The following MELK variants were observed in gnomAD, a reference collection of about 807,000 sequenced individuals.
MELK encodes maternal embryonic leucine zipper kinase, also known as pEg3 kinase.
A neutral mutation model predicts 85.0 loss-of-function variants in MELK; 81 were observed. That is an observed-to-expected ratio of 0.95 (90% CI 0.80 to 1.15). MELK has a LOEUF of 1.15. MELK is among the 50% of genes most tolerant of loss of function. The pLI, the probability that MELK is intolerant of heterozygous loss-of-function variation, is 0.00. For missense variants in MELK, 754 were observed against 777.5 expected (o/e 0.97, Z 0.36); for synonymous variants, 252 against 265.0 (o/e 0.95, Z 0.48).
At chr9:36,649,937 TA>T (rs777093125) in intron 11 of MELK, among the ~76,000 whole-genome samples, 2,896 of 60,788 alleles carry the variant, frequency 0.048, 46 homozygotes, top group Non-Finnish European at 0.078. Context: ...TTAATTTAAT[TA>T]AATTAATTAA....
intron 8 of MELK, among the ~76,000 whole-genome samples, chr9:36,618,959 ATTT>A (rs60381894): frequency 2.8e-5 from 4 of 141,592 alleles, no homozygotes; most frequent in Non-Finnish European, 4.6e-5. Flanking sequence ...AACTCTAAGT[ATTT>A]TTTTTTTTTT....
At chr9:36,586,145 A>G (rs1252170091) in intron 3 of MELK, among the ~76,000 whole-genome samples, 1 of 152,092 alleles carries the variant, frequency 6.6e-6, no homozygotes, top group African/African-American at 2.4e-5. Flanking sequence ...GTTTGAGACC[A>G]GCCTGGGCAA....
At chr9:36,650,976 A>G (rs138283853) in intron 11 of MELK, among the ~76,000 whole-genome samples, 229 of 152,328 alleles carry the variant, frequency 1.5e-3, no homozygotes, top group African/African-American at 5.3e-3. Flanking sequence ...AGGAAAAACA[A>G]AGGTATAAAA....
At chr9:36,634,120 C>T (rs181247983) in intron 10 of MELK, among the ~76,000 whole-genome samples, 277 of 152,302 alleles carry the variant, frequency 1.8e-3, no homozygotes, top group African/African-American at 6.0e-3. Flanking sequence ...ATCTTCCAAA[C>T]GTTAACACAT....
At chr9:36,613,905 G>A (rs140432836) in intron 8 of MELK, among the ~76,000 whole-genome samples, 82 of 152,136 alleles carry the variant, frequency 5.4e-4, no homozygotes, top group African/African-American at 1.9e-3. Flanking sequence ...TTTTTTCTAC[G>A]TGAAATGGGG....
intron 17 of MELK, 31 bp downstream of exon 17, chr9:36,674,968 T>C (rs776058731): frequency 5.4e-6 from 8 of 1,475,864 alleles, no homozygotes; most frequent in Non-Finnish European, 1.9e-6. Flanking sequence ...CTGTTGCATT[T>C]ATTAGTATCT....
In MELK at chr9:36,597,305, A is replaced by C. The variant is rs1163326566; in HGVS notation, c.474+15A>C. The C allele has an allele frequency of 1.9e-6, 3 of 1,598,770 alleles. No individual in the cohort carries two copies. Among genetic ancestry groups the C allele is most frequent in the Non-Finnish European group, 2.6e-6 (3 of 1,166,540 alleles). On this transcript the variant is annotated intron_variant, in intron 6 of 17. Coordinates refer to ENST00000298048, the MANE Select transcript of MELK (RefSeq NM_014791.4). ...CAAAACCCAAGGTAAGTGCAGAAAT[A>C]AGATGCATCTATGTTCTTTGTAAAT...
rs778092292 is a variant in MELK, at chr9:36,633,119, G to A, written c.753G>A (p.Arg251=). 2 of 1,609,134 alleles carry A rather than the reference G, an allele frequency of 1.2e-6. No homozygotes were observed. The highest frequency in any genetic ancestry group is 8.5e-7 in the Non-Finnish European group (1 of 1,178,814). ...QQMLQVDPKK[R]ISMKNLLNHP... is the part of the protein sequence containing the mutation. ...GCCACTAGGTGGACCCAAAGAAACG[G>A]ATTTCTATGAAAAATCTATTGAACC... is the stretch of plus-strand genomic sequence containing the variant. The change falls in exon 10 of 18, where the codon CGG becomes CGA. Residue 251 remains arginine, a synonymous_variant. Coordinates refer to ENST00000298048, the MANE Select transcript of MELK (RefSeq NM_014791.4).
intron 7 of MELK, among the ~76,000 whole-genome samples, chr9:36,605,809 CTTTG>C (rs1825423022): frequency 6.6e-6 from 1 of 151,608 alleles, no homozygotes; most frequent in African/African-American, 2.4e-5. Flanking sequence ...TCTTTTCTTT[CTTTG>C]TTTTCTTCCT....
chr9:36,589,520 T>C lies in MELK; in HGVS notation c.145-16T>C, dbSNP rs750032293. 3 of 1,582,296 alleles carry C rather than the reference T, an allele frequency of 1.9e-6. No homozygotes were observed. The highest frequency in any genetic ancestry group is 2.6e-6 in the Non-Finnish European group (3 of 1,151,230). On this transcript the variant is annotated splice_polypyrimidine_tract_variant and intron_variant, in intron 3 of 17. Transcript: ENST00000298048. ...GAATAAGTTTATTGCTCATTCCATA[T>C]GATGTTTTGTCACAGAGTGATTTGC...
chr9:36,585,699 A>G (rs1157220891), intron 3 of MELK, among the ~76,000 whole-genome samples: 1 of 152,092 alleles, frequency 6.6e-6, no homozygotes, highest in Non-Finnish European at 1.5e-5. Context: ...CACTTTGGGA[A>G]GCTGAGGCCA....
At position 36,651,747 on chromosome 9, in the gene MELK, G is replaced by A. The variant is rs768899369; in HGVS notation, c.923G>A (p.Trp308Ter). The stretch of plus-strand genomic sequence containing the variant: ...CAACTTGATTTTCTTTTCCTTTAGT[G>A]GCAGTATGATCACCTCACGGCTACC... ...RQTMEDLISL[W>*]QYDHLTATYL... is the part of the protein sequence containing the mutation. Residue 308 changes from tryptophan to a stop codon, truncating the protein, a stop_gained and splice_region_variant, in exon 12 of 18, where the codon TGG (tryptophan) becomes TAG (stop). Transcript: ENST00000298048. LOFTEE classifies it high-confidence loss of function. 2.5e-6 allele frequency: 4 copies of A among 1,610,848 alleles called. No homozygotes were observed. The highest frequency in any genetic ancestry group is 3.4e-6 in the Non-Finnish European group (4 of 1,178,518).
intron 7 of MELK, chr9:36,606,808 G>C (rs1374095641): frequency 6.7e-6 from 1 of 150,056 alleles, no homozygotes; most frequent in Non-Finnish European, 1.5e-5. Context: ...ATTTTTAGAT[G>C]GAGTTTCACT....
chr9:36,611,317 A>G (rs1388073428), intron 8 of MELK, among the ~76,000 whole-genome samples: 1 of 152,164 alleles, frequency 6.6e-6, no homozygotes, highest in African/African-American at 2.4e-5. Context: ...GAAACAGATA[A>G]TGGTAGAATT....
At chr9:36,601,885 A>C (rs1824965389) in intron 7 of MELK, among the ~76,000 whole-genome samples, 1 of 152,206 alleles carries the variant, frequency 6.6e-6, no homozygotes, top group African/African-American at 2.4e-5. Flanking sequence ...TGCATGTTGT[A>C]GCATGTATCA....
chr9:36,608,826 G>A (rs1288735556), intron 8 of MELK, among the ~76,000 whole-genome samples: 3 of 151,952 alleles, frequency 2.0e-5, no homozygotes, highest in African/African-American at 7.3e-5. Flanking sequence ...CAGGTGATTT[G>A]CCTGCCTCGG....
intron 7 of MELK, chr9:36,606,707 A>G (rs1417853051): frequency 6.8e-6 from 1 of 148,008 alleles, no homozygotes; most frequent in Non-Finnish European, 1.5e-5. Flanking sequence ...ATATATGTAT[A>G]TATGGACATG....
chr9:36,660,715 G>A (rs796742539), intron 13 of MELK, among the ~76,000 whole-genome samples: 7 of 152,038 alleles, frequency 4.6e-5, no homozygotes, highest in African/African-American at 1.4e-4. Context: ...TTTCAGGCTG[G>A]GTGCAGTGGC....
rs138105101 is a variant in MELK, at chr9:36,654,447, C to G, written c.1053+2570C>G. Reference sequence around the variant, plus strand: ...CTTGGCTCGCTGCAACCTCCGCCTCCTGGGTTCAAGTGATTCTCCTGCCTC... The same window carrying G: ...CTTGGCTCGCTGCAACCTCCGCCTCGTGGGTTCAAGTGATTCTCCTGCCTC... On this transcript the variant is annotated intron_variant, in intron 12 of 17. Transcript: ENST00000298048. Among the ~76,000 whole-genome samples the G allele has an allele frequency of 2.1e-3, 310 of 149,788 alleles. 2 individuals are homozygous for G. Among genetic ancestry groups the G allele is most frequent in the Non-Finnish European group, 3.4e-3 (233 of 67,648 alleles).
Sources: allele counts gnomAD v4.1 joint callset (sites outside exome capture counted in the v4.1 genomes callset), GRCh38; gene constraint gnomAD v4.1.1; transcripts MANE v1.5; gene names NCBI Gene and HGNC (gene_info 2026-07-23, HGNC 2026-07-21).